Variants in SLC30A8 observed in about 807,000 individuals in gnomAD.
SLC30A8 encodes solute carrier family 30 member 8.
In SLC30A8, 27 loss-of-function variants were observed where a neutral mutation model predicts 36.9. The ratio of observed to expected loss-of-function variants is 0.73; its 90% confidence interval spans 0.54 to 1.01. The LOEUF (loss-of-function observed/expected upper bound fraction) is 1.01, where lower values mean the gene tolerates loss of function less well. Ranked by LOEUF, SLC30A8 falls within the 50% of genes least tolerant of loss-of-function variation. SLC30A8 has a pLI of 0.00. For missense variants in SLC30A8, 439 were observed against 452.0 expected (o/e 0.97, Z 0.26); for synonymous variants, 164 against 172.4 (o/e 0.95, Z 0.38).
chr8:117,096,238 G>C (rs539802248), intron 2 of SLC30A8, among the ~76,000 whole-genome samples: 6 of 152,286 alleles, frequency 3.9e-5, no homozygotes, highest in African/African-American at 1.4e-4. Flanking sequence ...TGAGTACCTT[G>C]AGTGACCTCT....
At chr8:117,044,946 T>G (rs1299519837) in intron 2 of SLC30A8, among the ~76,000 whole-genome samples, 9 of 152,148 alleles carry the variant, frequency 5.9e-5, no homozygotes, top group Non-Finnish European at 1.3e-4. Flanking sequence ...CTGTTGTGCT[T>G]CTCGTGGCTC....
rs1563594337 is a variant in SLC30A8 at position 117,097,669 on chromosome 8, TTTTAA to T, written c.-225-37610_-225-37606del. Among the ~76,000 whole-genome samples the T allele has an allele frequency of 8.5e-4, 31 of 36,274 alleles. 7 individuals are homozygous for T. Among genetic ancestry groups the T allele is most frequent in the African/African-American group, 2.7e-3 (6 of 2,260 alleles). 23.8% of individuals were successfully genotyped at this position (36,274 alleles called of 152,430 possible). A position where few individuals can be genotyped will look rare whatever the true frequency, so the allele number is the denominator to read the frequency against. ...TTTAAATAATATATATAATATATAATTTTAAATAATATATATTATATATAATATAT... is the reference window on the plus strand; with the variant it reads ...TTTAAATAATATATATAATATATAATATAATATATATTATATATAATATAT... On this transcript the variant is annotated intron_variant, in intron 2 of 10. Coordinates refer to the SLC30A8 transcript ENST00000427715.
intron 2 of SLC30A8, among the ~76,000 whole-genome samples, chr8:117,106,996 A>G (rs1446380715): frequency 6.6e-6 from 1 of 152,212 alleles, no homozygotes; most frequent in Admixed American, 6.5e-5. Context: ...CTTGGCCCAC[A>G]TGATGCAATT....
intron 1 of SLC30A8, among the ~76,000 whole-genome samples, chr8:116,981,895 T>C (rs1815279175): frequency 6.6e-6 from 1 of 152,224 alleles, no homozygotes; most frequent in Admixed American, 6.5e-5. Flanking sequence ...CATGTGTCTT[T>C]ATGATAGAAT....
intron 1 of SLC30A8, among the ~76,000 whole-genome samples, chr8:117,022,501 A>G (rs1252515266): frequency 6.6e-6 from 1 of 152,220 alleles, no homozygotes; most frequent in Admixed American, 6.5e-5. Context: ...TTAGAAGGAG[A>G]CAATCTCATA....
intron 2 of SLC30A8, among the ~76,000 whole-genome samples, chr8:117,049,809 C>T (rs553265336): frequency 6.6e-6 from 1 of 152,238 alleles, no homozygotes; most frequent in Admixed American, 6.5e-5. Flanking sequence ...GAGAATGGCC[C>T]ACAGTGATTA....
intron 1 of SLC30A8, among the ~76,000 whole-genome samples, chr8:117,138,060 CAAAAAAAA>C (rs60065374): frequency 1.0e-4 from 5 of 49,984 alleles, no homozygotes; most frequent in Admixed American, 2.2e-4. Flanking sequence ...TTCATTGTAG[CAAAAAAAA>C]AAAAAAAAAA....
chr8:117,142,995 TC>T (rs1821726764), intron 1 of SLC30A8, among the ~76,000 whole-genome samples: 1 of 152,096 alleles, frequency 6.6e-6, no homozygotes, highest in African/African-American at 2.4e-5. Context: ...AGCTTTTATC[TC>T]CCCTTCTAAC....
intron 2 of SLC30A8, among the ~76,000 whole-genome samples, chr8:117,126,874 G>A (rs1820928739): frequency 6.6e-6 from 1 of 152,050 alleles, no homozygotes; most frequent in South Asian, 2.1e-4. Context: ...GTCTGAGGAG[G>A]TGATATCTGG....
At chr8:117,075,883 C>G (rs908752841) in intron 2 of SLC30A8, among the ~76,000 whole-genome samples, 1 of 152,132 alleles carries the variant, frequency 6.6e-6, no homozygotes, top group Admixed American at 6.6e-5. Context: ...TCCCTGTACC[C>G]TCTGTCTCAG....
chr8:116,995,976 A>G (rs555562592), intron 1 of SLC30A8, among the ~76,000 whole-genome samples: 1 of 152,298 alleles, frequency 6.6e-6, no homozygotes, highest in East Asian at 1.9e-4. Context: ...ACCATCCTGT[A>G]AAATCCCCGG....
intron 2 of SLC30A8, among the ~76,000 whole-genome samples, chr8:117,070,980 T>A (rs1818311864): frequency 6.6e-6 from 1 of 152,204 alleles, no homozygotes; most frequent in Non-Finnish European, 1.5e-5. Flanking sequence ...ATGTCTTGGC[T>A]ACTGTGAATA....
At chr8:117,039,590 A>G (rs955364952) in intron 2 of SLC30A8, among the ~76,000 whole-genome samples, 5 of 152,168 alleles carry the variant, frequency 3.3e-5, no homozygotes, top group African/African-American at 9.7e-5. Context: ...GTCTTTCACT[A>G]GTGCCTCCAA....
chr8:117,010,906 G>A (rs1302757093), intron 1 of SLC30A8, among the ~76,000 whole-genome samples: 2 of 152,136 alleles, frequency 1.3e-5, no homozygotes, highest in Non-Finnish European at 2.9e-5. Context: ...GGCGGATGGT[G>A]CTAAACCATT....
intron 1 of SLC30A8, among the ~76,000 whole-genome samples, chr8:116,972,592 A>G (rs1004650932): frequency 6.6e-6 from 1 of 152,192 alleles, no homozygotes; most frequent in African/African-American, 2.4e-5. Context: ...AGTTTTAATT[A>G]TTATACTGGA....
At chr8:116,956,908 G>C (rs530388913) in intron 1 of SLC30A8, among the ~76,000 whole-genome samples, 1 of 152,076 alleles carries the variant, frequency 6.6e-6, no homozygotes, top group Non-Finnish European at 1.5e-5. Flanking sequence ...AGGCCTTAAA[G>C]CATACCAAAA....
At chr8:117,016,006 C>A (rs146343656) in intron 1 of SLC30A8, among the ~76,000 whole-genome samples, 1 of 152,010 alleles carries the variant, frequency 6.6e-6, no homozygotes, top group Non-Finnish European at 1.5e-5. Context: ...CAATGGAATG[C>A]GCTTGAATAA....
At chr8:117,006,772 ATTTTTTTTTTTTTT>A (rs71305456) in intron 1 of SLC30A8, among the ~76,000 whole-genome samples, 5 of 78,922 alleles carry the variant, frequency 6.3e-5, no homozygotes, top group African/African-American at 9.4e-5. Context: ...GAGTCAGGTA[ATTTTTTTTTTTTTT>A]TTTTTTTTTT....
At chr8:116,992,492 A>G (rs1304587326) in intron 1 of SLC30A8, among the ~76,000 whole-genome samples, 2 of 151,622 alleles carry the variant, frequency 1.3e-5, no homozygotes, top group South Asian at 4.1e-4. Context: ...TAGACACAAT[A>G]TGAGACTTAG....
Sources: gnomAD v4.1 joint callset for allele counts (sites outside exome capture counted in the v4.1 genomes callset) on GRCh38, gnomAD v4.1.1 for gene constraint, MANE v1.5 for transcripts, NCBI Gene and HGNC (gene_info 2026-07-23, HGNC 2026-07-21) for gene names.